Variants in ITPR1 observed in about 807,000 individuals in gnomAD.
The protein encoded by ITPR1 is inositol 1,4,5-trisphosphate-gated calcium channel ITPR1.
In ITPR1, 96 loss-of-function variants were observed where a neutral mutation model predicts 318.4. That is an observed-to-expected ratio of 0.30 (90% CI 0.26 to 0.36). The LOEUF (loss-of-function observed/expected upper bound fraction) is 0.36, where lower values mean the gene tolerates loss of function less well. ITPR1 is among the 10% of genes least tolerant of loss of function. The pLI is 1.00. For synonymous variants in ITPR1, 1,312 were observed against 1,289.9 expected (o/e 1.02, Z -0.37); for missense variants, 2,440 against 3,460.2 (o/e 0.71, Z 7.40).
chr3:4,812,056 T>TTTTG (rs2048972657), intron 56 of ITPR1, among the ~76,000 whole-genome samples: 1 of 129,760 alleles, frequency 7.7e-6, no homozygotes, highest in Non-Finnish European at 1.7e-5. Flanking sequence ...TTTTTTTTTT[T>TTTTG]CGAGACAGGA....
chr3:4,788,201 G>C, intron 52 of ITPR1, 62 bp downstream of exon 52: 1 of 1,347,190 alleles, frequency 7.4e-7, no homozygotes, highest in Non-Finnish European at 1.0e-6. Context: ...CACAAACTTG[G>C]GCTTGATGGT....
intron 4 of ITPR1, among the ~76,000 whole-genome samples, chr3:4,530,199 T>G (rs1318363180): frequency 3.3e-5 from 5 of 152,242 alleles, no homozygotes; most frequent in Non-Finnish European, 7.3e-5. Context: ...TATTTATCAC[T>G]ATCTGATAAA....
In ITPR1 at chr3:4,837,991, T is replaced by A. The variant is rs2051055495; in HGVS notation, c.8190+1056T>A. Among the ~76,000 whole-genome samples, 7 of 152,302 alleles carry A rather than the reference T, an allele frequency of 4.6e-5. No homozygotes were observed. In the South Asian group the frequency reaches 1.5e-3, roughly 32 times the overall value. On this transcript the variant is annotated intron_variant, in intron 61 of 61. Coordinates refer to ENST00000649015, the MANE Select transcript of ITPR1 (RefSeq NM_001378452.1). ...GTAAGTTGCAAGGTACACCCACGGG[T>A]GATTTATCACTCTTACAAAGATGAT...
intron 44 of ITPR1, among the ~76,000 whole-genome samples, chr3:4,746,317 T>C (rs756877905): frequency 6.6e-6 from 1 of 152,218 alleles, no homozygotes; most frequent in Non-Finnish European, 1.5e-5. Flanking sequence ...GCCACCCTGA[T>C]GGAACCCATC....
At chr3:4,802,095 G>A (rs148929912) in intron 54 of ITPR1, among the ~76,000 whole-genome samples, 66 of 152,268 alleles carry the variant, frequency 4.3e-4, no homozygotes, top group Non-Finnish European at 8.1e-4. Flanking sequence ...AAAGGGTTCC[G>A]TGATTGAATC....
intron 60 of ITPR1, among the ~76,000 whole-genome samples, chr3:4,834,889 G>T (rs1003021718): frequency 1.2e-4 from 18 of 152,214 alleles, no homozygotes; most frequent in Middle Eastern, 3.4e-3. Context: ...GTTTATTCAG[G>T]GTATAGGAAG....
intron 44 of ITPR1, among the ~76,000 whole-genome samples, chr3:4,736,089 AT>A (rs1294384033): frequency 1.3e-5 from 2 of 151,968 alleles, no homozygotes; most frequent in African/African-American, 4.8e-5. Context: ...CCCTTTAAAT[AT>A]TTTTAATACC....
Position 4,847,400 on chromosome 3 carries a change from A to AAC in ITPR1, c.*1176_*1177insCA, listed in dbSNP as rs1217800738. The AAC allele has an allele frequency of 6.6e-6, 1 of 152,270 alleles. No individual in the cohort carries two copies. Among genetic ancestry groups the AAC allele is most frequent in the Non-Finnish European group, 1.5e-5 (1 of 67,950 alleles). 9.4% of individuals were successfully genotyped at this position (152,270 alleles called of 1,614,324 possible). ...TTTACAAGAGAATCTCTCTGCAAAA[A>AAC]AAAAAAAAACAGTTTAAAAATGCAT... On this transcript the variant is annotated 3_prime_UTR_variant, in exon 62 of 62. Transcript: ENST00000649015.
chr3:4,793,829 A>G (rs2047724625), intron 52 of ITPR1, among the ~76,000 whole-genome samples: 1 of 152,174 alleles, frequency 6.6e-6, no homozygotes, highest in African/African-American at 2.4e-5. Context: ...CTAAAACTCT[A>G]CAGTTTGGAA....
chr3:4,667,632 C>A, intron 18 of ITPR1, 83 bp downstream of exon 18: 1 of 1,326,094 alleles, frequency 7.5e-7, no homozygotes, highest in Non-Finnish European at 1.0e-6. Flanking sequence ...TACTACGTTT[C>A]CTTGTGCTGC....
intron 60 of ITPR1, among the ~76,000 whole-genome samples, chr3:4,833,869 A>C (rs1350978520): frequency 6.6e-6 from 1 of 152,160 alleles, no homozygotes; most frequent in Non-Finnish European, 1.5e-5. Flanking sequence ...GCTCCTAGAT[A>C]CAACATAGCC....
At chr3:4,599,273 C>T (rs2091089360) in intron 4 of ITPR1, among the ~76,000 whole-genome samples, 1 of 152,222 alleles carries the variant, frequency 6.6e-6, no homozygotes, top group African/African-American at 2.4e-5. Context: ...ATGGCCTTCA[C>T]TCTCTGTAGC....
chr3:4,820,672 A>G (rs542267719), intron 60 of ITPR1, among the ~76,000 whole-genome samples: 1 of 152,358 alleles, frequency 6.6e-6, no homozygotes, highest in East Asian at 1.9e-4. Context: ...GCATCAAGGA[A>G]TTCTTCTCTG....
intron 40 of ITPR1, 41 bp downstream of exon 40, chr3:4,717,440 G>A (rs778362266): frequency 1.3e-6 from 2 of 1,512,090 alleles, no homozygotes; most frequent in Non-Finnish European, 9.1e-7. Context: ...GTCTCATGGT[G>A]GTGTTTCCGT....
chr3:4,631,802 C>T (rs2093023590), intron 5 of ITPR1, among the ~76,000 whole-genome samples: 2 of 152,162 alleles, frequency 1.3e-5, no homozygotes, highest in South Asian at 4.2e-4. Flanking sequence ...GAGTGGGGTG[C>T]TAGGTTCAGG....
At position 4,794,973 on chromosome 3, in the gene ITPR1, G is replaced by C. The variant is rs2047804304; in HGVS notation, c.6809-92G>C. The C allele has an allele frequency of 6.5e-6, 9 of 1,389,728 alleles. No homozygotes were observed. The South Asian group carries it at 1.5e-4, about 24-fold the overall frequency. 86.1% of individuals were successfully genotyped at this position (1,389,728 alleles called of 1,614,324 possible). A position where few individuals can be genotyped will look rare whatever the true frequency, so the allele number is the denominator to read the frequency against. On this transcript the variant is annotated intron_variant, in intron 52 of 61. Transcript: ENST00000649015. ...AAAAACCGGGAACAAAAGTGGACTT[G>C]TGGGGCAGAGCTGGCGGAAGGGCCA... is the stretch of plus-strand genomic sequence containing the variant.
chr3:4,650,187 A>G (rs1259403525), intron 10 of ITPR1, among the ~76,000 whole-genome samples: 2 of 152,232 alleles, frequency 1.3e-5, no homozygotes, highest in Non-Finnish European at 2.9e-5. Flanking sequence ...ATCTGCTGCT[A>G]TGAACATTCA....
intron 4 of ITPR1, among the ~76,000 whole-genome samples, chr3:4,556,489 G>T (rs2086141983): frequency 6.8e-6 from 1 of 147,926 alleles, no homozygotes; most frequent in African/African-American, 2.5e-5. Flanking sequence ...CCCAACCCCT[G>T]GCAACTACTG....
chr3:4,829,216 T>A (rs2050275861), intron 60 of ITPR1, among the ~76,000 whole-genome samples: 1 of 152,202 alleles, frequency 6.6e-6, no homozygotes, highest in Non-Finnish European at 1.5e-5. Flanking sequence ...ATACACTCAT[T>A]CACCGTCCTG....
Sources: gnomAD v4.1 joint callset for allele counts (sites outside exome capture counted in the v4.1 genomes callset) on GRCh38, gnomAD v4.1.1 for gene constraint, MANE v1.5 for transcripts, NCBI Gene and HGNC (gene_info 2026-07-23, HGNC 2026-07-21) for gene names.